ANKFN1: variants seen among roughly 807,000 people sequenced by gnomAD.
The protein encoded by ANKFN1 is ankyrin repeat and fibronectin type III domain containing 1.
A neutral mutation model predicts 108.7 loss-of-function variants in ANKFN1; 74 were observed. The observed-to-expected ratio is 0.68, with a 90% CI of 0.56 to 0.83. The LOEUF is 0.83. Among genes scored for constraint, ANKFN1 ranks in the 40% least tolerant of loss-of-function variants. The pLI is 0.00. For synonymous variants in ANKFN1, 547 were observed against 516.2 expected (o/e 1.06, Z -0.81); for missense variants, 1,505 against 1,382.3 (o/e 1.09, Z -1.41).
intron 3 of ANKFN1, among the ~76,000 whole-genome samples, chr17:56,243,195 T>C (rs1028957862): frequency 6.6e-6 from 1 of 152,134 alleles, no homozygotes; most frequent in Non-Finnish European, 1.5e-5. Flanking sequence ...GGGAATTTTA[T>C]GAATATCTTA....
intron 4 of ANKFN1, among the ~76,000 whole-genome samples, chr17:56,333,531 G>A (rs374409848): frequency 3.3e-5 from 5 of 152,020 alleles, no homozygotes; most frequent in African/African-American, 9.7e-5. Context: ...CTGCCTAGTC[G>A]TGATGCATTA....
intron 8 of ANKFN1, among the ~76,000 whole-genome samples, chr17:56,426,389 A>G (rs997983512): frequency 2.6e-5 from 4 of 152,206 alleles, no homozygotes; most frequent in Non-Finnish European, 5.9e-5. Flanking sequence ...CATTCATTTA[A>G]GACACCTTTA....
At chr17:56,166,668 A>G (rs997267187) in intron 1 of ANKFN1, among the ~76,000 whole-genome samples, 6 of 152,180 alleles carry the variant, frequency 3.9e-5, no homozygotes, top group African/African-American at 1.4e-4. Flanking sequence ...CACAGTTTTC[A>G]GTCAAAATCT....
chr17:56,376,233 C>T (rs1445742709), intron 8 of ANKFN1, among the ~76,000 whole-genome samples: 7 of 152,206 alleles, frequency 4.6e-5, no homozygotes, highest in Admixed American at 3.9e-4. Context: ...ACTCTGCCCA[C>T]ACCCTGTAGC....
At chr17:56,472,486 A>G (rs895820479) in intron 15 of ANKFN1, 1 of 152,218 alleles carries the variant, frequency 6.6e-6, no homozygotes, top group Non-Finnish European at 1.5e-5. Context: ...TCACTGTGCA[A>G]GCACAGCATA....
At chr17:56,369,448 A>G (rs922665973) in intron 6 of ANKFN1, among the ~76,000 whole-genome samples, 4 of 152,232 alleles carry the variant, frequency 2.6e-5, no homozygotes, top group Admixed American at 6.5e-5. Context: ...CCCCCATTCC[A>G]GGGTGGCAAA....
chr17:56,129,659 T>C (rs77579553), intron 4 of ANKFN1, among the ~76,000 whole-genome samples: 3,595 of 152,302 alleles, frequency 0.024, 127 homozygotes, highest in African/African-American at 0.082. Context: ...GAACACAAGG[T>C]TCATATTATT....
intron 8 of ANKFN1, among the ~76,000 whole-genome samples, chr17:56,425,181 T>G (rs2048522740): frequency 6.6e-6 from 1 of 151,666 alleles, no homozygotes; most frequent in Non-Finnish European, 1.5e-5. Context: ...CTATGAGAGC[T>G]TGTGATGCTG....
chr17:56,055,496 G>A (rs866497971), intron 4 of ANKFN1, among the ~76,000 whole-genome samples: 4 of 144,458 alleles, frequency 2.8e-5, no homozygotes, highest in African/African-American at 7.9e-5. Context: ...ATATATGTGT[G>A]TGTGTATGTA....
chr17:56,227,573 G>T (rs570238981), intron 2 of ANKFN1, among the ~76,000 whole-genome samples: 13 of 152,112 alleles, frequency 8.5e-5, no homozygotes, highest in Non-Finnish European at 1.8e-4. Context: ...AATGATGAGC[G>T]TCTAAGCCAC....
At chr17:56,402,147 T>C (rs1454755168) in intron 8 of ANKFN1, among the ~76,000 whole-genome samples, 1 of 152,106 alleles carries the variant, frequency 6.6e-6, no homozygotes, top group East Asian at 1.9e-4. Flanking sequence ...TATCAGTCTG[T>C]AGTTTTCTTT....
intron 15 of ANKFN1, chr17:56,473,386 G>T (rs1177717053): frequency 6.6e-6 from 1 of 152,150 alleles, no homozygotes; most frequent in Non-Finnish European, 1.5e-5. Flanking sequence ...TTTTAGGCTG[G>T]GTGCAGTGGC....
At chr17:56,467,852 A>T (rs201793083) in intron 15 of ANKFN1, among the ~76,000 whole-genome samples, 4 of 22,960 alleles carry the variant, frequency 1.7e-4, no homozygotes, top group African/African-American at 4.2e-4. Context: ...GAAAGAAAGA[A>T]AAAGGGAAAG....
At chr17:56,375,887 T>C (rs1311956331) in intron 8 of ANKFN1, among the ~76,000 whole-genome samples, 2 of 152,104 alleles carry the variant, frequency 1.3e-5, no homozygotes, top group Admixed American at 1.3e-4. Flanking sequence ...ACTTTGCAGA[T>C]GGAAAAACAG....
chr17:56,167,644 G>A (rs1472801280), intron 1 of ANKFN1, among the ~76,000 whole-genome samples: 4 of 152,016 alleles, frequency 2.6e-5, no homozygotes, highest in Non-Finnish European at 5.9e-5. Context: ...AAATCTCAGT[G>A]GTTTAGCATG....
intron 12 of ANKFN1, 82 bp from the exon 13 acceptor site, chr17:56,457,175 A>T: frequency 7.2e-7 from 1 of 1,379,994 alleles, no homozygotes; most frequent in Non-Finnish European, 9.8e-7. Context: ...GGTATATTTT[A>T]AATTCATCTT....
At chr17:56,279,527 G>A (rs916296605) in intron 3 of ANKFN1, among the ~76,000 whole-genome samples, 2 of 152,160 alleles carry the variant, frequency 1.3e-5, no homozygotes, top group African/African-American at 4.8e-5. Flanking sequence ...TATTGACTTG[G>A]CATCCAGGAG....
intron 3 of ANKFN1, among the ~76,000 whole-genome samples, chr17:56,258,903 TC>T (rs2043429882): frequency 6.6e-6 from 1 of 152,020 alleles, no homozygotes; most frequent in Admixed American, 6.5e-5. Context: ...AGAGTGAGAC[TC>T]CGTCTCGAAA....
chr17:56,167,728 G>A (rs757937932), intron 1 of ANKFN1, among the ~76,000 whole-genome samples: 3 of 152,128 alleles, frequency 2.0e-5, no homozygotes, highest in Non-Finnish European at 4.4e-5. Context: ...GTCACTCAGG[G>A]ACCTAGGCTG....
Sources: allele counts gnomAD v4.1 joint callset (sites outside exome capture counted in the v4.1 genomes callset), GRCh38; gene constraint gnomAD v4.1.1; transcripts MANE v1.5; gene names NCBI Gene and HGNC (gene_info 2026-07-23, HGNC 2026-07-21).